Variants in SYNE2 observed in about 807,000 individuals in gnomAD.
SYNE2 encodes nesprin-2.
A neutral mutation model predicts 856.3 loss-of-function variants in SYNE2; 431 were observed. That is an observed-to-expected ratio of 0.50 (90% CI 0.47 to 0.55). SYNE2 has a LOEUF of 0.55. SYNE2 is among the 20% of genes least tolerant of loss of function. SYNE2 has a pLI of 0.00. For missense variants in SYNE2, 8,129 were observed against 8,023.2 expected, an observed-to-expected ratio of 1.01 and a Z score of -0.50; for synonymous variants, 2,923 against 2,872.3, an observed-to-expected ratio of 1.02 and a Z score of -0.56.
intron 1 of SYNE2, among the ~76,000 whole-genome samples, chr14:63,861,143 TG>T (rs1044529575): frequency 2.7e-5 from 3 of 112,924 alleles, no homozygotes; most frequent in South Asian, 4.2e-4. Context: ...TTTACCACAT[TG>T]TTTTTTTTTT....
chr14:63,903,698 T>G (rs868764169), intron 1 of SYNE2, among the ~76,000 whole-genome samples: 2 of 152,208 alleles, frequency 1.3e-5, no homozygotes, highest in African/African-American at 4.8e-5. Flanking sequence ...GGTTCTCCAG[T>G]TAACAACTTG....
intron 11 of SYNE2, among the ~76,000 whole-genome samples, chr14:63,974,844 GTGTGTACA>G (rs1224465710): frequency 1.6e-5 from 2 of 123,638 alleles, no homozygotes; most frequent in East Asian, 2.3e-4. Flanking sequence ...ACGTGTGTGT[GTGTGTACA>G]TGTGTGTGTG....
chr14:63,833,410 G>T (rs1299790733), intron 1 of SYNE2, among the ~76,000 whole-genome samples: 1 of 152,052 alleles, frequency 6.6e-6, no homozygotes, highest in Non-Finnish European at 1.5e-5. Flanking sequence ...TGTGACGACA[G>T]ATTCTTAGCA....
chr14:63,967,564 CAG>C, intron 10 of SYNE2, 143 bp from the exon 11 acceptor site: 1 of 740,622 alleles, frequency 1.4e-6, no homozygotes, highest in Non-Finnish European at 2.1e-6. Context: ...GAAACCAGAG[CAG>C]AGAGAGGATA....
At chr14:63,925,176 G>C (rs1176818244) in intron 2 of SYNE2, among the ~76,000 whole-genome samples, 1 of 151,896 alleles carries the variant, frequency 6.6e-6, no homozygotes, top group Non-Finnish European at 1.5e-5. Flanking sequence ...TAGCCAGCCA[G>C]CCAGGTGTGG....
chr14:63,875,174 A>C (rs1322012636), intron 1 of SYNE2, among the ~76,000 whole-genome samples: 2 of 152,168 alleles, frequency 1.3e-5, no homozygotes, highest in African/African-American at 4.8e-5. Flanking sequence ...CAGCCTCCCA[A>C]GTATCTGGGA....
At position 64,076,004 on chromosome 14, in the gene SYNE2, G is replaced by A. The variant is rs779261066; in HGVS notation, c.10926G>A (p.Leu3642=). The A allele has an allele frequency of 9.3e-6, 15 of 1,613,952 alleles. No homozygotes were observed. Among genetic ancestry groups the A allele is most frequent in the Non-Finnish European group, 1.1e-5 (13 of 1,179,862 alleles). Residue 3642 remains leucine (L), a synonymous_variant, in exon 54 of 116, where the codon CTG becomes CTA. Coordinates refer to ENST00000555002, the MANE Select transcript of SYNE2 (RefSeq NM_182914.3). ...CTTTTGAGAATATTATGGAAAAACT[G>A]CGAATCAAGTATTCCGAAATGTACA... The part of the protein sequence containing the change: ...KLTFENIMEK[L]RIKYSEMYTI...
At chr14:63,831,704 C>CACCACCA (rs1308315019) in intron 1 of SYNE2, among the ~76,000 whole-genome samples, 1 of 151,674 alleles carries the variant, frequency 6.6e-6, no homozygotes, top group African/African-American at 2.4e-5. Flanking sequence ...TACAGGCATG[C>CACCACCA]ACCACCACAC....
In SYNE2 at chr14:64,219,507, C is replaced by T. The variant is rs532839975; in HGVS notation, c.19860+97C>T. ...AGATCCCATGTATTCGTGGCATAGG[C>T]GCAGCTTGCAGATGGTGTATGTAGA... On this transcript the variant is annotated intron_variant, in intron 110 of 115. Coordinates refer to ENST00000555002, the MANE Select transcript of SYNE2 (RefSeq NM_182914.3). 1.1e-5 allele frequency: 14 copies of T among 1,218,002 alleles called. No individual in the cohort carries two copies. The East Asian group carries it at 1.2e-4, about 10-fold the overall frequency. The allele number at this position is 1,218,002 out of a possible 1,614,324, so 75.4% of individuals were successfully genotyped here. A position where few individuals can be genotyped will look rare whatever the true frequency, so the allele number is the denominator to read the frequency against.
At chr14:64,220,734 A>AGG in intron 111 of SYNE2, 97 bp downstream of exon 111, 1 of 1,401,092 alleles carries the variant, frequency 7.1e-7, no homozygotes, top group South Asian at 1.2e-5. Context: ...GCTTCCGTGC[A>AGG]GCCAAATGTG....
chr14:63,832,886 A>AAAAAAAAAAAAAG (rs1566596263), intron 1 of SYNE2, among the ~76,000 whole-genome samples: 1 of 148,970 alleles, frequency 6.7e-6, no homozygotes. Context: ...AAAAAAAAAA[A>AAAAAAAAAAAAAG]AAAATTAGTC....
chr14:63,811,439 CT>C, intron 1 of SYNE2, among the ~76,000 whole-genome samples: 1 of 151,804 alleles, frequency 6.6e-6, no homozygotes, highest in East Asian at 1.9e-4. Context: ...TTGTACTTTT[CT>C]TTTGTAGAGA....
chr14:64,104,409 C>T lies in SYNE2; in HGVS notation c.12492+2367C>T, dbSNP rs549643628. On this transcript the variant is annotated intron_variant, in intron 64 of 115. Transcript: ENST00000555002. ...CTTTCGTCTGTGATGGTAGGCATTCCCCCAATGTTCTGTCCTCTTCCTTCT... is the reference window on the plus strand; with the variant it reads ...CTTTCGTCTGTGATGGTAGGCATTCTCCCAATGTTCTGTCCTCTTCCTTCT... Among the ~76,000 whole-genome samples, 5 of 151,476 alleles carry T rather than the reference C, an allele frequency of 3.3e-5. No individual in the cohort carries two copies. In the East Asian group the frequency reaches 5.8e-4, roughly 18 times the overall value.
Position 64,220,454 on chromosome 14 carries a change from T to C in SYNE2, c.19878T>C (p.Phe6626=), listed in dbSNP as rs371625294. 6.2e-7 allele frequency: 1 copy of C among 1,614,218 alleles called. No homozygotes were observed. The highest frequency in any genetic ancestry group is 8.5e-7 in the Non-Finnish European group (1 of 1,180,042). ...VKRLQEILKA[F]DTYKALVVSV... is the part of the protein sequence containing the mutation. ...TCTGGTAGGAGATACTGAAAGCCTT[T>C]GACACTTACAAGGCATTAGTGGTCT... The change falls in exon 111 of 116, where the codon TTT becomes TTC. Residue 6626 remains phenylalanine, a synonymous_variant. Coordinates refer to ENST00000555002, the MANE Select transcript of SYNE2 (RefSeq NM_182914.3).
chr14:64,149,991 C>CTT (rs1359746537), intron 84 of SYNE2, among the ~76,000 whole-genome samples: 1 of 121,978 alleles, frequency 8.2e-6, no homozygotes, highest in Non-Finnish European at 1.7e-5. Context: ...ATTGCCATGG[C>CTT]TTTTTTTTTT....
intron 94 of SYNE2, among the ~76,000 whole-genome samples, chr14:64,172,802 G>A (rs553068422): frequency 1.3e-5 from 2 of 152,142 alleles, no homozygotes; most frequent in Admixed American, 6.5e-5. Flanking sequence ...GTGTGGTGGT[G>A]CACGCCTGTA....
intron 1 of SYNE2, among the ~76,000 whole-genome samples, chr14:63,856,345 A>G (rs1891719929): frequency 6.6e-6 from 1 of 152,218 alleles, no homozygotes. Context: ...CTAGAATACA[A>G]AGCCAGGCTC....
chr14:64,196,281 A>G (rs1030410153), intron 99 of SYNE2, among the ~76,000 whole-genome samples: 3 of 152,170 alleles, frequency 2.0e-5, no homozygotes, highest in African/African-American at 7.2e-5. Flanking sequence ...TAAGGCTGGG[A>G]ATGAGTCTAA....
rs139333226 is a variant in SYNE2 at position 63,943,213 on chromosome 14, G to A, written c.408+1070G>A. Among the ~76,000 whole-genome samples, 206 of 152,244 alleles carry A rather than the reference G, an allele frequency of 1.4e-3. 1 individual carries two copies. The highest frequency in any genetic ancestry group is 4.7e-3 in the African/African-American group (197 of 41,528). On this transcript the variant is annotated intron_variant, in intron 6 of 115. Transcript: ENST00000555002. Reference sequence around the variant, plus strand: ...CAAGACTGAGTTGTGGATGCATTTCGTTTCACAGATATTTTTGAACACTTA... The same window carrying A: ...CAAGACTGAGTTGTGGATGCATTTCATTTCACAGATATTTTTGAACACTTA...
Sources: gnomAD v4.1 joint callset for allele counts (sites outside exome capture counted in the v4.1 genomes callset) on GRCh38, gnomAD v4.1.1 for gene constraint, MANE v1.5 for transcripts, NCBI Gene and HGNC (gene_info 2026-07-23, HGNC 2026-07-21) for gene names.